The following EXOC6 variants were observed in gnomAD, a reference collection of about 807,000 sequenced individuals.
EXOC6 encodes the protein SEC15-like 1.
In EXOC6, 60 loss-of-function variants were observed where a neutral mutation model predicts 112.5. The ratio of observed to expected loss-of-function variants is 0.53; its 90% confidence interval spans 0.43 to 0.66. EXOC6 has a LOEUF of 0.66. Ranked by LOEUF, EXOC6 falls within the 30% of genes least tolerant of loss-of-function variation. The pLI is 0.00. For synonymous variants in EXOC6, 295 were observed against 308.0 expected (o/e 0.96, Z 0.44); for missense variants, 855 against 957.1 (o/e 0.89, Z 1.41).
chr10:92,858,673 T>G (rs981401533), intron 1 of EXOC6, among the ~76,000 whole-genome samples: 2 of 152,226 alleles, frequency 1.3e-5, no homozygotes, highest in African/African-American at 4.8e-5. Context: ...TGCTTCTTCT[T>G]TTTAGTTCTG....
At chr10:92,865,671 T>A (rs2133699166) in intron 1 of EXOC6, among the ~76,000 whole-genome samples, 1 of 152,138 alleles carries the variant, frequency 6.6e-6, no homozygotes, top group Admixed American at 6.5e-5. Flanking sequence ...GGTCTCGAAC[T>A]TCTGGCCTCA....
intron 19 of EXOC6, among the ~76,000 whole-genome samples, chr10:93,001,077 G>C (rs1325757071): frequency 1.3e-5 from 2 of 152,114 alleles, no homozygotes; most frequent in African/African-American, 4.8e-5. Flanking sequence ...TATTAGAGCA[G>C]GGAAAGGAGA....
At chr10:93,049,879 T>C (rs1349766468) in intron 20 of EXOC6, among the ~76,000 whole-genome samples, 1 of 152,124 alleles carries the variant, frequency 6.6e-6, no homozygotes. Flanking sequence ...GAAGACCACA[T>C]GTTATTTGAT....
chr10:92,887,654 C>T (rs900458656), intron 1 of EXOC6, among the ~76,000 whole-genome samples: 2 of 152,122 alleles, frequency 1.3e-5, no homozygotes, highest in African/African-American at 4.8e-5. Flanking sequence ...ATCTGCCCGC[C>T]TCAGCCTCCC....
chr10:92,914,814 C>T (rs1382716547), intron 6 of EXOC6, among the ~76,000 whole-genome samples: 2 of 152,094 alleles, frequency 1.3e-5, no homozygotes, highest in East Asian at 3.9e-4. Context: ...TTTCTATGTG[C>T]TAACAGAACA....
intron 17 of EXOC6, among the ~76,000 whole-genome samples, chr10:92,958,591 G>GAGC (rs1223488451): frequency 6.6e-6 from 1 of 152,108 alleles, no homozygotes; most frequent in Non-Finnish European, 1.5e-5. Context: ...TCTTCTTATG[G>GAGC]AGCAAGGACA....
chr10:92,966,992 GA>G, intron 17 of EXOC6, among the ~76,000 whole-genome samples: 1 of 143,170 alleles, frequency 7.0e-6, no homozygotes, highest in East Asian at 2.0e-4. Context: ...TAACTGGTGT[GA>G]GATGGTATCT....
chr10:93,042,988 G>A (rs1170497294), intron 20 of EXOC6, among the ~76,000 whole-genome samples: 1 of 151,762 alleles, frequency 6.6e-6, no homozygotes, highest in Non-Finnish European at 1.5e-5. Flanking sequence ...CCAGGCTGGA[G>A]TGCAGTGGCG....
At chr10:93,049,548 G>C (rs1320800853) in intron 20 of EXOC6, among the ~76,000 whole-genome samples, 1 of 152,146 alleles carries the variant, frequency 6.6e-6, no homozygotes, top group Non-Finnish European at 1.5e-5. Context: ...AGTTACAAAA[G>C]ACCAGGTAGG....
At chr10:93,018,498 T>C (rs1844642248) in intron 20 of EXOC6, among the ~76,000 whole-genome samples, 1 of 152,188 alleles carries the variant, frequency 6.6e-6, no homozygotes. Context: ...TTTCCATTAA[T>C]TTTTTTCCTC....
intron 19 of EXOC6, among the ~76,000 whole-genome samples, chr10:93,013,745 A>G (rs960385235): frequency 3.3e-5 from 5 of 152,202 alleles, no homozygotes; most frequent in African/African-American, 9.6e-5. Flanking sequence ...TCTGCCTTTT[A>G]TTGCTATTAG....
chr10:92,893,388 T>A lies in EXOC6; in HGVS notation c.141T>A (p.Phe47Leu). 6.2e-7 allele frequency: 1 copy of A among 1,612,558 alleles called. No individual in the cohort carries two copies. The part of the protein sequence containing the change: ...YDDQPNAHKK[F>L]MEKLDACIRN... ...ACCAACCAAATGCGCACAAGAAGTT[T>A]ATGGAAAAGTTAGATGCTTGTATCC... Residue 47 changes from phenylalanine to leucine, a missense_variant, in exon 2 of 22, where the codon TTT becomes TTA. By Grantham distance (22) the Phe-to-Leu change is conservative (BLOSUM62 0). This residue lies in a region of EXOC6 where 405 missense variants were observed against 393.6 expected (regional missense o/e 1.03). Coordinates refer to ENST00000260762, the MANE Select transcript of EXOC6 (RefSeq NM_019053.6).
chr10:92,938,916 G>A (rs1019373092), intron 12 of EXOC6, among the ~76,000 whole-genome samples: 1 of 152,128 alleles, frequency 6.6e-6, no homozygotes. Flanking sequence ...TTTGAGCTGG[G>A]TTTTGAAGGA....
intron 1 of EXOC6, among the ~76,000 whole-genome samples, chr10:92,863,669 T>C (rs1381557058): frequency 6.6e-6 from 1 of 151,782 alleles, no homozygotes. Context: ...TCCCAGCACT[T>C]TGGGAGGCCG....
At chr10:92,848,349 T>C (rs987302498), upstream of EXOC6, 9 of 212,544 alleles carry the variant, frequency 4.2e-5, no homozygotes, top group Non-Finnish European at 6.5e-5. Context: ...CAGCCCCCGC[T>C]CACTCCTGCA....
chr10:92,857,276 A>G (rs577567058), intron 1 of EXOC6, among the ~76,000 whole-genome samples: 1 of 152,058 alleles, frequency 6.6e-6, no homozygotes, highest in South Asian at 2.1e-4. Context: ...GAAAAAAGTT[A>G]GTTCTTAGTG....
chr10:92,927,178 G>A (rs1240804114), intron 8 of EXOC6, among the ~76,000 whole-genome samples: 1 of 152,048 alleles, frequency 6.6e-6, no homozygotes, highest in Non-Finnish European at 1.5e-5. Flanking sequence ...CAGTGAAAAT[G>A]TGGCTTTTGA....
At chr10:92,975,604 G>A (rs1313176390) in intron 18 of EXOC6, among the ~76,000 whole-genome samples, 5 of 145,288 alleles carry the variant, frequency 3.4e-5, no homozygotes, top group Non-Finnish European at 7.6e-5. Flanking sequence ...CGCCCCGTCC[G>A]GGAGGGAGGT....
At chr10:92,842,751 G>A (rs1458011903) in intron 1 of EXOC6, among the ~76,000 whole-genome samples, 1 of 151,938 alleles carries the variant, frequency 6.6e-6, no homozygotes, top group Admixed American at 6.6e-5. Flanking sequence ...AGAGAGAATG[G>A]AACTCAGAGA....
Sources: gnomAD v4.1 joint callset for allele counts (sites outside exome capture counted in the v4.1 genomes callset) on GRCh38, gnomAD v4.1.1 for gene constraint, gnomAD v4.1.1 regional missense constraint, MANE v1.5 for transcripts, NCBI Gene and HGNC (gene_info 2026-07-23, HGNC 2026-07-21) for gene names.